Variants in NXPE4 observed in about 807,000 individuals in gnomAD.
NXPE4 encodes NXPE family member 4.
NXPE4 carries 42 observed loss-of-function variants against 33.3 expected under a neutral mutation model. The ratio of observed to expected loss-of-function variants is 1.26; its 90% CI spans 0.98 to 1.63. NXPE4 has a LOEUF of 1.63. NXPE4 is among the 40% of genes most tolerant of loss of function. NXPE4 has a pLI of 0.00. For missense variants in NXPE4, 709 were observed against 647.6 expected, an observed-to-expected ratio of 1.09 and a Z score of -1.03; for synonymous variants, 253 against 234.9, an observed-to-expected ratio of 1.08 and a Z score of -0.71.
chr11:114,613,093 T>C, the NXPE4 span, among the ~76,000 whole-genome samples: 1 of 151,578 alleles, frequency 6.6e-6, no homozygotes, highest in Non-Finnish European at 1.5e-5. Context: ...ATAATAAGCA[T>C]TGCCTCCCAG....
chr11:114,617,992 G>T, the NXPE4 span, among the ~76,000 whole-genome samples: 15 of 150,884 alleles, frequency 9.9e-5, no homozygotes, highest in Non-Finnish European at 7.4e-5. Context: ...GTGTTGCCTC[G>T]TGGGTAACCA....
At chr11:114,577,058 C>CAT (rs1240336188) in intron 5 of NXPE4, among the ~76,000 whole-genome samples, 20 of 29,928 alleles carry the variant, frequency 6.7e-4, no homozygotes, top group South Asian at 2.6e-3. Context: ...TATATATATA[C>CAT]ATATATATAT....
chr11:114,579,293 C>G (rs1949083370), intron 5 of NXPE4, among the ~76,000 whole-genome samples: 1 of 152,186 alleles, frequency 6.6e-6, no homozygotes, highest in African/African-American at 2.4e-5. Flanking sequence ...GAGAGATCCA[C>G]CTCCGTGACC....
rs951049802 is a variant in NXPE4 at position 114,595,767 on chromosome 11, G to A, written c.-186C>T. The stretch of plus-strand genomic sequence containing the variant: ...AGCATGGATTCACAACCTTCTGCTT[G>A]TTTCAGCTAAGACAGAAGTGTCAGC... On this transcript the variant is annotated 5_prime_UTR_variant, in exon 1 of 6. Transcript: ENST00000375478. 1 of 152,306 alleles carries A rather than the reference G, an allele frequency of 6.6e-6. No homozygotes were observed. The highest frequency in any genetic ancestry group is 1.5e-5 in the Non-Finnish European group (1 of 68,034). 9.4% of individuals were successfully genotyped at this position (152,306 alleles called of 1,614,324 possible).
At chr11:114,612,225 T>G in the NXPE4 span, among the ~76,000 whole-genome samples, 42 of 150,638 alleles carry the variant, frequency 2.8e-4, no homozygotes, top group Admixed American at 2.5e-3. Flanking sequence ...GTTGCCTCTA[T>G]GGTAACCACT....
the NXPE4 span, among the ~76,000 whole-genome samples, chr11:114,675,569 A>C: frequency 1.9e-3 from 286 of 151,986 alleles, 2 homozygotes; most frequent in African/African-American, 5.5e-3. Flanking sequence ...CATAAAAAAA[A>C]CCCTTAGGAA....
chr11:114,635,271 T>C, the NXPE4 span, among the ~76,000 whole-genome samples: 1 of 149,842 alleles, frequency 6.7e-6, no homozygotes, highest in Non-Finnish European at 1.5e-5. Context: ...TGTTTGTCTG[T>C]TGTTGGTGTA....
intron 5 of NXPE4, among the ~76,000 whole-genome samples, chr11:114,578,730 T>C (rs1438273604): frequency 6.6e-6 from 1 of 152,142 alleles, no homozygotes; most frequent in Non-Finnish European, 1.5e-5. Flanking sequence ...TAGACAATAA[T>C]GGTTTTGTAG....
chr11:114,638,937 CA>C, the NXPE4 span, among the ~76,000 whole-genome samples: 7 of 152,078 alleles, frequency 4.6e-5, no homozygotes, highest in East Asian at 1.4e-3. Flanking sequence ...CTTGAGGAGG[CA>C]GTCTGCCCAT....
At chr11:114,617,992 G>A in the NXPE4 span, among the ~76,000 whole-genome samples, 757 of 150,996 alleles carry the variant, frequency 5.0e-3, 31 homozygotes, top group Non-Finnish European at 1.3e-3. Context: ...GTGTTGCCTC[G>A]TGGGTAACCA....
At chr11:114,644,717 C>A in the NXPE4 span, among the ~76,000 whole-genome samples, 1 of 151,716 alleles carries the variant, frequency 6.6e-6, no homozygotes, top group Non-Finnish European at 1.5e-5. Context: ...TTTATCAAAT[C>A]TCTATAAGCT....
At chr11:114,573,948 G>A (rs1236457565) in intron 5 of NXPE4, among the ~76,000 whole-genome samples, 1 of 151,854 alleles carries the variant, frequency 6.6e-6, no homozygotes, top group Non-Finnish European at 1.5e-5. Flanking sequence ...CCAAGATAGA[G>A]CATATGATAG....
rs1349467466 is a variant in NXPE4 at position 114,582,884 on chromosome 11, T to C, written c.234A>G (p.Lys78=). 1.9e-6 allele frequency: 3 copies of C among 1,614,120 alleles called. No homozygotes were observed. Among genetic ancestry groups the C allele is most frequent in the Non-Finnish European group, 2.5e-6 (3 of 1,179,946 alleles). ...TELRIKEIIE[K]LDQQIPPRPF... is the part of the protein sequence containing the mutation. ...GTCTGGGTGGGATCTGCTGATCTAGTTTCTCTATGATTTCCTTTATTCTGA... is the reference window on the plus strand; with the variant it reads ...GTCTGGGTGGGATCTGCTGATCTAGCTTCTCTATGATTTCCTTTATTCTGA... The change falls in exon 3 of 6, where the codon AAA becomes AAG. Residue 78 remains lysine, a synonymous_variant. Coordinates refer to ENST00000375478, the MANE Select transcript of NXPE4 (RefSeq NM_001077639.2).
chr11:114,634,947 G>A, the NXPE4 span, among the ~76,000 whole-genome samples: 2 of 151,914 alleles, frequency 1.3e-5, no homozygotes, highest in African/African-American at 2.4e-5. Context: ...GGTGATGAGG[G>A]CCCTTTTTTG....
the NXPE4 span, among the ~76,000 whole-genome samples, chr11:114,617,530 G>A: frequency 4.0e-5 from 6 of 151,868 alleles, no homozygotes; most frequent in South Asian, 2.1e-4. Flanking sequence ...GTGTTGCCTC[G>A]TGGCTAACCA....
the NXPE4 span, among the ~76,000 whole-genome samples, chr11:114,663,079 G>T: frequency 6.6e-6 from 1 of 152,118 alleles, no homozygotes; most frequent in East Asian, 1.9e-4. Context: ...TGCACTGAAG[G>T]GTCAGTACCA....
the NXPE4 span, among the ~76,000 whole-genome samples, chr11:114,609,374 G>A: frequency 1.8e-3 from 278 of 151,684 alleles, 3 homozygotes; most frequent in South Asian, 0.011. Flanking sequence ...ACCGTTACCC[G>A]GTGGATAATA....
chr11:114,621,689 GT>G, the NXPE4 span, among the ~76,000 whole-genome samples: 1 of 152,116 alleles, frequency 6.6e-6, no homozygotes, highest in East Asian at 1.9e-4. Context: ...TGCCTCATTG[GT>G]AACCACTGTT....
chr11:114,646,338 TAATC>T, the NXPE4 span, among the ~76,000 whole-genome samples: 3 of 151,698 alleles, frequency 2.0e-5, no homozygotes, highest in South Asian at 4.1e-4. Flanking sequence ...ATAAATAACT[TAATC>T]AAGTTCTTTT....
Sources: gnomAD v4.1 joint callset for allele counts (sites outside exome capture counted in the v4.1 genomes callset) on GRCh38, gnomAD v4.1.1 for gene constraint, MANE v1.5 for transcripts, NCBI Gene and HGNC (gene_info 2026-07-23, HGNC 2026-07-21) for gene names.